TAB2: variants seen among roughly 807,000 people sequenced by gnomAD.
TAB2 encodes TGF-beta-activated kinase 1 and MAP3K7-binding protein 2.
TAB2 carries 3 observed loss-of-function variants against 65.0 expected under a neutral mutation model. The observed-to-expected ratio is 0.05, with a 90% CI of 0.02 to 0.12. The LOEUF is 0.12. TAB2 is among the 10% of genes least tolerant of loss of function. The pLI is 1.00. For missense variants in TAB2, 623 were observed against 840.3 expected (o/e 0.74, Z 3.20); for synonymous variants, 298 against 285.1 (o/e 1.05, Z -0.46).
In TAB2 at chr6:149,329,030, A is replaced by T. The variant is rs146828508; in HGVS notation, c.-90+11015A>T. The stretch of plus-strand genomic sequence containing the variant: ...GTACACAGTAACTGTGTGTAGTTCT[A>T]CAGTGCATTAGGTACCAGTGGTGGG... On this transcript the variant is annotated intron_variant, in intron 1 of 6. Coordinates refer to ENST00000637181, the MANE Select transcript of TAB2 (RefSeq NM_001292034.3). Among the ~76,000 whole-genome samples the T allele has an allele frequency of 5.3e-3, 802 of 152,242 alleles. 5 individuals carry two copies. Among genetic ancestry groups the T allele is most frequent in the Non-Finnish European group, 7.6e-3 (515 of 68,006 alleles).
In TAB2 at chr6:149,379,417, A is replaced by C; in HGVS notation, c.1502A>C (p.Glu501Ala). The change falls in exon 3 of 7, where the codon GAG becomes GCG. Residue 501 changes from glutamate to alanine, a missense_variant. Physicochemically the swap from Glu to Ala is moderately radical, Grantham distance 107. This residue lies in a region of TAB2 where 550 missense variants were observed against 665.7 expected (regional missense o/e 0.83). Transcript: ENST00000637181. ...CATCCTGATCATTATGTAGAAACCGAGAATATTCAGCACCTCACGGACCCT... is the reference window on the plus strand; with the variant it reads ...CATCCTGATCATTATGTAGAAACCGCGAATATTCAGCACCTCACGGACCCT... ...LNHPDHYVET[E>A]NIQHLTDPTL... 6.2e-7 allele frequency: 1 copy of C among 1,614,168 alleles called. No homozygotes were observed. The highest frequency in any genetic ancestry group is 1.1e-5 in the South Asian group (1 of 91,084).
chr6:149,292,465 C>A (rs976392732), intron 1 of TAB2, among the ~76,000 whole-genome samples: 19 of 152,096 alleles, frequency 1.2e-4, no homozygotes, highest in Admixed American at 7.9e-4. Context: ...GAGACTACAC[C>A]AGCAAGCATT....
intron 1 of TAB2, chr6:149,230,053 C>T (rs1237323353): frequency 6.6e-6 from 1 of 152,146 alleles, no homozygotes; most frequent in East Asian, 1.9e-4. Context: ...TGTCAAAAAG[C>T]CCAAGTTTGG....
rs1220882958 is a variant in TAB2 at position 149,381,114 on chromosome 6, G to T, written c.1603+1596G>T. On this transcript the variant is annotated intron_variant, in intron 3 of 6. Transcript: ENST00000637181. ...CCTATCTCAAAAATAAAGTACGCAG[G>T]GCTCTGCCCAAACTTAAGTAAAGTG... 3.3e-5 allele frequency among the ~76,000 whole-genome samples: 5 copies of T among 152,112 alleles called. No homozygotes were observed. In the South Asian group the frequency reaches 1.0e-3, roughly 31 times the overall value.
chr6:149,326,228 A>G (rs1253325445), intron 1 of TAB2, among the ~76,000 whole-genome samples: 1 of 151,746 alleles, frequency 6.6e-6, no homozygotes. Context: ...CAGTAGATTA[A>G]GACAAAAATT....
chr6:149,332,792 A>G (rs144236463), intron 1 of TAB2, among the ~76,000 whole-genome samples: 12 of 152,328 alleles, frequency 7.9e-5, no homozygotes, highest in Non-Finnish European at 1.6e-4. Flanking sequence ...TACATCAGTA[A>G]AGGGAGCAGG....
chr6:149,398,150 A>T (rs1782239189), intron 5 of TAB2, 88 bp downstream of exon 5: 6 of 1,085,360 alleles, frequency 5.5e-6, no homozygotes, highest in East Asian at 2.5e-5. Flanking sequence ...TATCAATCAT[A>T]ATCTTACTGT....
chr6:149,225,053 G>T (rs1777239345), intron 1 of TAB2, among the ~76,000 whole-genome samples: 1 of 152,124 alleles, frequency 6.6e-6, no homozygotes, highest in East Asian at 1.9e-4. Flanking sequence ...TGTGAAGCTG[G>T]CATTTTTAGC....
chr6:149,340,138 A>G (rs1467087169), intron 1 of TAB2, among the ~76,000 whole-genome samples: 1 of 152,200 alleles, frequency 6.6e-6, no homozygotes, highest in Non-Finnish European at 1.5e-5. Context: ...TTCATCAAGT[A>G]GAATAAAAAG....
At chr6:149,365,305 T>C (rs1261719863) in intron 1 of TAB2, among the ~76,000 whole-genome samples, 2 of 152,218 alleles carry the variant, frequency 1.3e-5, no homozygotes, top group Non-Finnish European at 2.9e-5. Flanking sequence ...GTTTCAGTAA[T>C]GTGTTTGGGT....
At chr6:149,238,927 T>G (rs2035987999) in intron 1 of TAB2, among the ~76,000 whole-genome samples, 1 of 152,114 alleles carries the variant, frequency 6.6e-6, no homozygotes, top group African/African-American at 2.4e-5. Context: ...ACTTGACAGA[T>G]CTAGGGCTGA....
intron 1 of TAB2, among the ~76,000 whole-genome samples, chr6:149,259,334 T>TAC (rs61261942): frequency 0.078 from 11,419 of 145,892 alleles, 477 homozygotes; most frequent in South Asian, 0.12. Flanking sequence ...ACGCTCCCTC[T>TAC]ACACACACAC....
At chr6:149,292,171 G>T (rs915575906) in intron 1 of TAB2, among the ~76,000 whole-genome samples, 2 of 152,178 alleles carry the variant, frequency 1.3e-5, no homozygotes, top group East Asian at 1.9e-4. Context: ...CAGAATGTAA[G>T]TATAAGAATG....
intron 1 of TAB2, among the ~76,000 whole-genome samples, chr6:149,232,497 G>A (rs1383738829): frequency 6.6e-6 from 1 of 152,182 alleles, no homozygotes; most frequent in African/African-American, 2.4e-5. Flanking sequence ...CAAGTGTTGA[G>A]ATTACAAGCG....
In TAB2 at chr6:149,400,139, A is replaced by T. The variant is rs185716896; in HGVS notation, c.1939+955A>T. On this transcript the variant is annotated intron_variant, in intron 6 of 6. Coordinates refer to ENST00000637181, the MANE Select transcript of TAB2 (RefSeq NM_001292034.3). ...TAGTAATTACCTTAACTGGAAATGG[A>T]TTAAACTCACCACTCACAAGGAGTT... 2.5e-5 allele frequency: 13 copies of T among 517,294 alleles called. No individual in the cohort carries two copies. In the East Asian group the frequency reaches 4.0e-4, roughly 16 times the overall value. The allele number at this position is 517,294 out of a possible 1,614,324, so 32.0% of individuals were successfully genotyped here. A position where few individuals can be genotyped will look rare whatever the true frequency, so the allele number is the denominator to read the frequency against.
intron 1 of TAB2, among the ~76,000 whole-genome samples, chr6:149,328,913 A>T (rs1191041474): frequency 6.6e-6 from 1 of 152,170 alleles, no homozygotes; most frequent in East Asian, 1.9e-4. Context: ...TGTATATCAG[A>T]TAGGCAAGGA....
intron 1 of TAB2, chr6:149,246,977 G>C (rs1477057668): frequency 1.3e-5 from 2 of 152,666 alleles, no homozygotes; most frequent in Non-Finnish European, 2.9e-5. Flanking sequence ...CTGTTCAGCA[G>C]TCAGGGCCCA....
rs375495143 is a variant in TAB2 at position 149,379,074 on chromosome 6, G to A, written c.1159G>A (p.Val387Ile). The A allele has an allele frequency of 5.6e-6, 9 of 1,614,146 alleles. No homozygotes were observed. Among genetic ancestry groups the A allele is most frequent in the East Asian group, 2.2e-5 (1 of 44,890 alleles). The change falls in exon 3 of 7, where the codon GTC becomes ATC. Residue 387 changes from valine (V) to isoleucine (I), a missense_variant. By Grantham distance (29) the Val-to-Ile change is conservative. Around this residue, in one of 3 missense-constraint regions of TAB2, gnomAD observed 550 missense variants for 665.7 expected, o/e 0.83. Transcript: ENST00000637181. Reference sequence around the variant, plus strand: ...GCTGATGTCCCGTAGTCAACCTAAGGTCTATATTTCAGCGAATGCTGCCAC... The same window carrying A: ...GCTGATGTCCCGTAGTCAACCTAAGATCTATATTTCAGCGAATGCTGCCAC... ...DELMSRSQPK[V>I]YISANAATGD...
At chr6:149,355,313 A>G (rs2114816518) in intron 1 of TAB2, among the ~76,000 whole-genome samples, 1 of 152,282 alleles carries the variant, frequency 6.6e-6, no homozygotes, top group Non-Finnish European at 1.5e-5. Flanking sequence ...CAGTTTGAAA[A>G]GCTGCTTTCC....
Sources: gnomAD v4.1 joint callset for allele counts (sites outside exome capture counted in the v4.1 genomes callset) on GRCh38, gnomAD v4.1.1 for gene constraint, gnomAD v4.1.1 regional missense constraint, MANE v1.5 for transcripts, NCBI Gene and HGNC (gene_info 2026-07-23, HGNC 2026-07-21) for gene names.